Variants in FAM184B observed in about 807,000 individuals in gnomAD.
The protein encoded by FAM184B is protein FAM184B.
FAM184B carries 111 observed loss-of-function variants against 135.9 expected under a neutral mutation model. That is an observed-to-expected ratio of 0.82 (90% confidence interval 0.70 to 0.96). The LOEUF (loss-of-function observed/expected upper bound fraction) is 0.96. Among genes scored for constraint, FAM184B ranks in the 40% least tolerant of loss-of-function variants. The pLI, the probability that FAM184B is intolerant of heterozygous loss-of-function variation, is 0.00. For synonymous variants in FAM184B, 552 were observed against 524.8 expected (o/e 1.05, Z -0.71); for missense variants, 1,375 against 1,323.9 (o/e 1.04, Z -0.60).
chr4:17,632,642 G>A lies in FAM184B; in HGVS notation c.3090-17C>T, dbSNP rs1228709837. Reference sequence around the variant, plus strand: ...TCTGGGGTCCTAAAAGCAAAAAAAGGTTTTTTTATATGGTTTTGAAAACTA... The same window carrying A: ...TCTGGGGTCCTAAAAGCAAAAAAAGATTTTTTTATATGGTTTTGAAAACTA... On this transcript the variant is annotated splice_polypyrimidine_tract_variant and intron_variant, in intron 17 of 17. Transcript: ENST00000265018. 7.6e-6 allele frequency: 8 copies of A among 1,055,978 alleles called. No individual in the cohort carries two copies. In the Admixed American group the frequency reaches 9.8e-5, roughly 13 times the overall value. The allele number at this position is 1,055,978 out of a possible 1,614,324, so 65.4% of individuals were successfully genotyped here. A position where few individuals can be genotyped will look rare whatever the true frequency, so the allele number is the denominator to read the frequency against.
intron 1 of FAM184B, among the ~76,000 whole-genome samples, chr4:17,720,153 T>G (rs1285431830): frequency 2.0e-5 from 3 of 152,212 alleles, no homozygotes; most frequent in African/African-American, 7.2e-5. Context: ...ATTCTCTATT[T>G]GCTAATGACT....
chr4:17,752,191 T>G (rs1718310370), intron 1 of FAM184B, among the ~76,000 whole-genome samples: 3 of 152,096 alleles, frequency 2.0e-5, no homozygotes, highest in Admixed American at 2.0e-4. Context: ...AGGGACTTAG[T>G]GCCAACATAC....
rs1025289958 is a variant in FAM184B at position 17,633,921 on chromosome 4, C to G, written c.2890-33G>C. The G allele has an allele frequency of 8.1e-6, 11 of 1,350,744 alleles. No homozygotes were observed. In the African/African-American group the frequency reaches 1.5e-4, roughly 19 times the overall value. 83.7% of individuals were successfully genotyped at this position (1,350,744 alleles called of 1,614,324 possible). ...TATTAATGGACAGGTTAGTGCAATGCAATGCAAAAAACAAAATAAAGCATT... is the reference window on the plus strand; with the variant it reads ...TATTAATGGACAGGTTAGTGCAATGGAATGCAAAAAACAAAATAAAGCATT... On this transcript the variant is annotated intron_variant, in intron 16 of 17. Transcript: ENST00000265018.
intron 1 of FAM184B, among the ~76,000 whole-genome samples, chr4:17,780,007 T>C (rs1037065298): frequency 4.6e-5 from 7 of 152,218 alleles, no homozygotes; most frequent in Non-Finnish European, 8.8e-5. Context: ...CTAAGGGCTA[T>C]CTCCAGTCTC....
intron 7 of FAM184B, among the ~76,000 whole-genome samples, chr4:17,678,135 A>G (rs548062088): frequency 1.3e-5 from 2 of 152,286 alleles, no homozygotes; most frequent in African/African-American, 4.8e-5. Flanking sequence ...CACTCTCACC[A>G]CTTCTATTCA....
At chr4:17,723,336 A>G (rs955922547) in intron 1 of FAM184B, among the ~76,000 whole-genome samples, 2 of 152,236 alleles carry the variant, frequency 1.3e-5, no homozygotes, top group African/African-American at 4.8e-5. Flanking sequence ...CAAGTTATAT[A>G]TTATTGTCCA....
At chr4:17,723,138 G>A (rs910002352) in intron 1 of FAM184B, among the ~76,000 whole-genome samples, 4 of 152,122 alleles carry the variant, frequency 2.6e-5, no homozygotes, top group Non-Finnish European at 5.9e-5. Context: ...TTTTTGCATA[G>A]CACTTTCCAG....
chr4:17,692,956 C>T (rs540612267), intron 6 of FAM184B, among the ~76,000 whole-genome samples: 1 of 151,790 alleles, frequency 6.6e-6, no homozygotes, highest in African/African-American at 2.4e-5. Flanking sequence ...AAAGGAAGGG[C>T]CTAGAAAGGC....
chr4:17,748,103 GA>G (rs58795222), intron 1 of FAM184B, among the ~76,000 whole-genome samples: 48 of 70,346 alleles, frequency 6.8e-4, no homozygotes, highest in Middle Eastern at 7.1e-3. Flanking sequence ...GACTCCGTCT[GA>G]AAAAAAAAAA....
At chr4:17,660,473 T>C (rs181052157) in intron 8 of FAM184B, among the ~76,000 whole-genome samples, 1 of 152,110 alleles carries the variant, frequency 6.6e-6, no homozygotes, top group African/African-American at 2.4e-5. Context: ...TTGCAGCTTT[T>C]TCTGCATCTA....
At chr4:17,665,964 C>G (rs1716039203) in intron 7 of FAM184B, among the ~76,000 whole-genome samples, 1 of 152,138 alleles carries the variant, frequency 6.6e-6, no homozygotes, top group East Asian at 1.9e-4. Flanking sequence ...CTCAAACTAC[C>G]ACATGTGCAG....
intron 1 of FAM184B, among the ~76,000 whole-genome samples, chr4:17,719,597 C>T (rs1378726091): frequency 1.3e-5 from 2 of 152,038 alleles, no homozygotes; most frequent in Non-Finnish European, 2.9e-5. Context: ...TCCAGTAATC[C>T]CCCCTTTTCT....
Position 17,693,312 on chromosome 4 carries a change from G to T in FAM184B, c.1478C>A (p.Ser493Tyr). The T allele has an allele frequency of 4.5e-6, 7 of 1,551,238 alleles. No homozygotes were observed. The highest frequency in any genetic ancestry group is 5.2e-6 in the Non-Finnish European group (6 of 1,146,646). The change falls in exon 6 of 18, where the codon TCT (serine) becomes TAT (tyrosine). Residue 493 changes from serine (S) to tyrosine (Y), a missense_variant. Transcript: ENST00000265018. ...TTGGTCAGGGCTCACCTCAAGCAGA[G>T]AATTCTGAAGCTTCACATTGAGGGC... ...KAALNVKLQN[S>Y]LLEVLRLEEF...
Position 17,688,583 on chromosome 4 carries a change from C to T in FAM184B, c.1489-52G>A, listed in dbSNP as rs371905854. 1.2e-4 allele frequency: 154 copies of T among 1,318,354 alleles called. No individual in the cohort carries two copies. The African/African-American group carries it at 2.0e-3, about 17-fold the overall frequency. 81.7% of individuals were successfully genotyped at this position (1,318,354 alleles called of 1,614,324 possible). A position where few individuals can be genotyped will look rare whatever the true frequency, so the allele number is the denominator to read the frequency against. On this transcript the variant is annotated intron_variant, in intron 6 of 17. Transcript: ENST00000265018. ...ACAATGAAACCAGGTTCTACCTCCT[C>T]GATACAGTCATTCATCCGGGAATCA...
chr4:17,674,284 C>T (rs1393208890), intron 7 of FAM184B, among the ~76,000 whole-genome samples: 1 of 152,110 alleles, frequency 6.6e-6, no homozygotes, highest in African/African-American at 2.4e-5. Context: ...AAAGCAAAGA[C>T]ACACAACTTT....
At chr4:17,636,498 C>T (rs1004571941) in intron 15 of FAM184B, 30 bp downstream of exon 15, 11 of 1,522,096 alleles carry the variant, frequency 7.2e-6, no homozygotes, top group East Asian at 2.5e-5. Context: ...CGGCCAGGTG[C>T]GTGGGTGAGG....
At chr4:17,645,876 T>C (rs908819213) in intron 12 of FAM184B, among the ~76,000 whole-genome samples, 4 of 151,670 alleles carry the variant, frequency 2.6e-5, no homozygotes, top group African/African-American at 4.9e-5. Flanking sequence ...CAAACAAATT[T>C]ACAACAAAAA....
intron 14 of FAM184B, among the ~76,000 whole-genome samples, chr4:17,638,134 C>CTTTTTTTTT (rs56926847): frequency 3.5e-4 from 26 of 73,398 alleles, no homozygotes; most frequent in East Asian, 2.6e-3. Flanking sequence ...TAACTGTTTG[C>CTTTTTTTTT]TTTTTTTTTT....
At chr4:17,676,750 G>T (rs1376571369) in intron 7 of FAM184B, among the ~76,000 whole-genome samples, 1 of 152,100 alleles carries the variant, frequency 6.6e-6, no homozygotes, top group Non-Finnish European at 1.5e-5. Flanking sequence ...TCTTTTCTAT[G>T]TTTAGCTACT....
Sources: gnomAD v4.1 joint callset for allele counts (sites outside exome capture counted in the v4.1 genomes callset) on GRCh38, gnomAD v4.1.1 for gene constraint, MANE v1.5 for transcripts, NCBI Gene and HGNC (gene_info 2026-07-23, HGNC 2026-07-21) for gene names.